Variants in CSMD1 observed in about 807,000 individuals in gnomAD.
CSMD1 encodes CUB and sushi domain-containing protein 1.
Under a neutral mutation model 417.5 loss-of-function variants are expected in CSMD1, and 213 were observed. The observed-to-expected ratio is 0.51, with a 90% CI of 0.46 to 0.57. The LOEUF (loss-of-function observed/expected upper bound fraction) is 0.57. CSMD1 is among the 20% of genes least tolerant of loss of function. CSMD1 has a pLI of 0.00. For synonymous variants in CSMD1, 2,862 were observed against 1,736.8 expected, an observed-to-expected ratio of 1.65 and a Z score of -16.11; for missense variants, 6,923 against 4,529.7, an observed-to-expected ratio of 1.53 and a Z score of -15.17.
chr8:3,191,158 A>G (rs1444249967), intron 33 of CSMD1, among the ~76,000 whole-genome samples: 1 of 152,192 alleles, frequency 6.6e-6, no homozygotes, highest in East Asian at 1.9e-4. Flanking sequence ...ATGAGCTCAA[A>G]TCCTAACAAG....
At chr8:4,982,308 TC>T (rs1810937173) in intron 1 of CSMD1, among the ~76,000 whole-genome samples, 1 of 152,180 alleles carries the variant, frequency 6.6e-6, no homozygotes, top group Non-Finnish European at 1.5e-5. Flanking sequence ...GGGAGATTGC[TC>T]CCCCAATCTG....
At chr8:3,097,703 T>C (rs1490397537) in intron 46 of CSMD1, among the ~76,000 whole-genome samples, 1 of 152,208 alleles carries the variant, frequency 6.6e-6, no homozygotes, top group Non-Finnish European at 1.5e-5. Context: ...ATTTAATATT[T>C]TCAGACTGTG....
rs560496605 is a variant in CSMD1 at position 3,287,744 on chromosome 8, G to C, written c.3951-3398C>G. Among the ~76,000 whole-genome samples, 33 of 152,220 alleles carry C rather than the reference G, an allele frequency of 2.2e-4. 1 individual carries two copies. The South Asian group carries it at 6.4e-3, about 30-fold the overall frequency. ...TTCTCCATATACAATCACGTCATCTGCCAACAGGGACAATTTGACTTCCTC... is the reference window on the plus strand; with the variant it reads ...TTCTCCATATACAATCACGTCATCTCCCAACAGGGACAATTTGACTTCCTC... On this transcript the variant is annotated intron_variant, in intron 25 of 69. Transcript: ENST00000635120.
chr8:3,899,662 G>A (rs961752248), intron 5 of CSMD1, among the ~76,000 whole-genome samples: 1 of 152,164 alleles, frequency 6.6e-6, no homozygotes, highest in African/African-American at 2.4e-5. Context: ...TAGACAAGAA[G>A]GTGGCTTTTG....
chr8:3,822,908 G>A (rs778911560), intron 5 of CSMD1, among the ~76,000 whole-genome samples: 1 of 152,158 alleles, frequency 6.6e-6, no homozygotes, highest in Non-Finnish European at 1.5e-5. Context: ...TCACTGTGCA[G>A]AGCTAAGTAA....
chr8:4,551,183 G>T (rs552423225), intron 2 of CSMD1, among the ~76,000 whole-genome samples: 21 of 152,278 alleles, frequency 1.4e-4, no homozygotes, highest in African/African-American at 4.8e-4. Flanking sequence ...CACGGACTCA[G>T]CTCAGAAATG....
intron 1 of CSMD1, among the ~76,000 whole-genome samples, chr8:4,679,225 G>A (rs536228279): frequency 5.6e-4 from 85 of 152,202 alleles, no homozygotes; most frequent in African/African-American, 1.9e-3. Flanking sequence ...CTGGACACAT[G>A]GCACTGTTGC....
intron 5 of CSMD1, among the ~76,000 whole-genome samples, chr8:3,918,119 T>C (rs1388902457): frequency 6.6e-6 from 1 of 152,124 alleles, no homozygotes; most frequent in African/African-American, 2.4e-5. Flanking sequence ...TGTTGTTTCC[T>C]AATCCTGGCA....
chr8:3,709,117 G>T lies in CSMD1; in HGVS notation c.932-626C>A, dbSNP rs978361759. 4.0e-5 allele frequency among the ~76,000 whole-genome samples: 6 copies of T among 150,104 alleles called. No homozygotes were observed. The Admixed American group carries it at 4.0e-4, about 10-fold the overall frequency. On this transcript the variant is annotated intron_variant, in intron 6 of 69. Transcript: ENST00000635120. ...CTGAGAGTTAAATATGTTTCTTGAT[G>T]TACTACGGCCTGCATTAAACATTTT...
intron 3 of CSMD1, among the ~76,000 whole-genome samples, chr8:4,108,874 G>A (rs557120403): frequency 2.0e-5 from 3 of 152,276 alleles, no homozygotes; most frequent in African/African-American, 4.8e-5. Flanking sequence ...GCAAGAATTT[G>A]TCACTTTAGT....
intron 25 of CSMD1, among the ~76,000 whole-genome samples, chr8:3,284,902 G>A (rs1803032532): frequency 2.0e-5 from 3 of 152,058 alleles, no homozygotes; most frequent in Admixed American, 2.0e-4. Flanking sequence ...AATACCAACA[G>A]AAAGGCAAAA....
intron 3 of CSMD1, among the ~76,000 whole-genome samples, chr8:4,381,915 A>G (rs1437093083): frequency 6.6e-6 from 1 of 151,934 alleles, no homozygotes; most frequent in East Asian, 1.9e-4. Context: ...ACACTTGCCC[A>G]CTGCAGGGAA....
intron 23 of CSMD1, among the ~76,000 whole-genome samples, chr8:3,340,853 G>C (rs1464341521): frequency 1.3e-5 from 2 of 151,732 alleles, no homozygotes; most frequent in African/African-American, 2.4e-5. Context: ...AGGAGTCTCC[G>C]GGTTTTGCAG....
At chr8:4,659,665 A>C (rs12682320) in intron 1 of CSMD1, among the ~76,000 whole-genome samples, 1,779 of 152,270 alleles carry the variant, frequency 0.012, 42 homozygotes, top group East Asian at 0.11. Context: ...GTGACTGTTT[A>C]ATGAGTATGG....
At chr8:3,806,597 G>C (rs1243155688) in intron 5 of CSMD1, among the ~76,000 whole-genome samples, 1 of 152,178 alleles carries the variant, frequency 6.6e-6, no homozygotes, top group African/African-American at 2.4e-5. Context: ...TCTTCCCAGA[G>C]TAGTAGGAAC....
Position 3,006,997 on chromosome 8 carries a change from T to A in CSMD1, c.8030-6866A>T, listed in dbSNP as rs1174306191. Among the ~76,000 whole-genome samples, 168 of 144,084 alleles carry A rather than the reference T, an allele frequency of 1.2e-3. 3 individuals carry two copies. Among genetic ancestry groups the A allele is most frequent in the African/African-American group, 4.6e-3 (159 of 34,410 alleles). The allele number at this position is 144,084 out of a possible 152,430, so 94.5% of individuals were successfully genotyped here. On this transcript the variant is annotated intron_variant, in intron 52 of 69. Coordinates refer to ENST00000635120, the MANE Select transcript of CSMD1 (RefSeq NM_033225.6). ...CAGAGTGAACGGGCAACCTACAGAA[T>A]GGGAGAAAATTTTTGCAACCTACTC...
intron 3 of CSMD1, among the ~76,000 whole-genome samples, chr8:4,046,943 T>C (rs889388922): frequency 1.3e-5 from 2 of 152,176 alleles, no homozygotes; most frequent in African/African-American, 2.4e-5. Context: ...ACTTGAGTCC[T>C]AACTCCACCT....
chr8:3,953,871 T>A (rs1811746134), intron 5 of CSMD1, among the ~76,000 whole-genome samples: 1 of 152,144 alleles, frequency 6.6e-6, no homozygotes, highest in African/African-American at 2.4e-5. Context: ...GTCTCCTGTG[T>A]GAGGTGCTGT....
chr8:3,914,707 T>G (rs1282555894), intron 5 of CSMD1, among the ~76,000 whole-genome samples: 5 of 152,180 alleles, frequency 3.3e-5, no homozygotes, highest in Admixed American at 6.5e-5. Context: ...GATGTCTTTA[T>G]TTTTTGACTA....
Sources: gnomAD v4.1 joint callset for allele counts (sites outside exome capture counted in the v4.1 genomes callset) on GRCh38, gnomAD v4.1.1 for gene constraint, MANE v1.5 for transcripts, NCBI Gene and HGNC (gene_info 2026-07-23, HGNC 2026-07-21) for gene names.